The following PID1 variants were observed in gnomAD, a reference collection of about 807,000 sequenced individuals.
The protein encoded by PID1 is PTB-containing, cubilin and LRP1-interacting protein.
In PID1, 10 loss-of-function variants were observed where a neutral mutation model predicts 19.1. The observed-to-expected ratio is 0.52, with a 90% CI of 0.32 to 0.89. The LOEUF (loss-of-function observed/expected upper bound fraction) is 0.89. PID1 is among the 40% of genes least tolerant of loss of function. The probability of loss-of-function intolerance (pLI) is 0.03; values close to 1 mark genes in which losing one functional copy is unlikely to be tolerated. For synonymous variants in PID1, 130 were observed against 116.0 expected (o/e 1.12, Z -0.78); for missense variants, 248 against 285.3 (o/e 0.87, Z 0.94).
At chr2:229,049,920 CAT>C (rs963373606) in intron 2 of PID1, among the ~76,000 whole-genome samples, 1 of 107,758 alleles carries the variant, frequency 9.3e-6, no homozygotes, top group African/African-American at 4.4e-5. Flanking sequence ...GATATATATA[CAT>C]ATATACACAC....
At chr2:229,070,344 A>G (rs1420570183) in intron 2 of PID1, among the ~76,000 whole-genome samples, 2 of 152,218 alleles carry the variant, frequency 1.3e-5, no homozygotes, top group Non-Finnish European at 2.9e-5. Flanking sequence ...TAGTTTTATC[A>G]TCGAAAATTG....
chr2:229,078,609 G>C (rs1398682252), intron 2 of PID1, among the ~76,000 whole-genome samples: 1 of 152,126 alleles, frequency 6.6e-6, no homozygotes, highest in East Asian at 1.9e-4. Context: ...GCATGAAGTG[G>C]GGTTGAATTT....
At chr2:229,172,299 T>C (rs1216554352) in intron 1 of PID1, among the ~76,000 whole-genome samples, 1 of 152,122 alleles carries the variant, frequency 6.6e-6, no homozygotes, top group African/African-American at 2.4e-5. Flanking sequence ...ATGAAGCATA[T>C]ATAAGAAAGT....
intron 1 of PID1, among the ~76,000 whole-genome samples, chr2:229,178,289 A>G (rs1469500699): frequency 2.6e-5 from 4 of 152,168 alleles, no homozygotes; most frequent in Non-Finnish European, 5.9e-5. Flanking sequence ...AAAACTTCCC[A>G]GTGGGGAAGG....
chr2:229,176,402 G>C (rs1206472899), intron 1 of PID1, among the ~76,000 whole-genome samples: 1 of 152,296 alleles, frequency 6.6e-6, no homozygotes, highest in South Asian at 2.1e-4. Flanking sequence ...GATTCAGCAC[G>C]CATTCCCCAT....
intron 2 of PID1, among the ~76,000 whole-genome samples, chr2:229,114,771 C>A (rs1192012169): frequency 6.6e-6 from 1 of 152,122 alleles, no homozygotes; most frequent in Non-Finnish European, 1.5e-5. Flanking sequence ...TATTTATATA[C>A]ACTTGTCTTC....
intron 2 of PID1, among the ~76,000 whole-genome samples, chr2:229,045,030 T>C (rs957998337): frequency 6.6e-6 from 1 of 152,066 alleles, no homozygotes; most frequent in South Asian, 2.1e-4. Flanking sequence ...CTCCGTTCAC[T>C]GCAACCTCTG....
rs531714213 is a variant in PID1, at chr2:229,095,690, A to G, written c.177+60128T>C. 1.1e-3 allele frequency among the ~76,000 whole-genome samples: 172 copies of G among 152,320 alleles called. 1 individual carries two copies. The highest frequency in any genetic ancestry group is 6.8e-3 in the Admixed American group (104 of 15,290). On this transcript the variant is annotated intron_variant, in intron 2 of 2. Coordinates refer to ENST00000392055, the MANE Select transcript of PID1 (RefSeq NM_001100818.2). ...AATCTGTCAGCATATTGCACACAGC[A>G]TAACATGATCATGCTGTACCCAACA... is the stretch of plus-strand genomic sequence containing the variant.
intron 2 of PID1, among the ~76,000 whole-genome samples, chr2:229,131,752 G>A (rs1194603983): frequency 6.6e-6 from 1 of 151,820 alleles, no homozygotes; most frequent in Non-Finnish European, 1.5e-5. Context: ...TTGAATAAAT[G>A]ATGAAGATCA....
At chr2:229,260,080 A>G (rs1329201820) in intron 1 of PID1, among the ~76,000 whole-genome samples, 1 of 152,142 alleles carries the variant, frequency 6.6e-6, no homozygotes, top group Non-Finnish European at 1.5e-5. Flanking sequence ...TCTTCTCTGC[A>G]CCTTTGTCAA....
intron 1 of PID1, chr2:229,227,814 G>T: frequency 3.2e-6 from 1 of 313,866 alleles, no homozygotes; most frequent in Non-Finnish European, 6.4e-6. Flanking sequence ...CTTTTTTCTT[G>T]TCATTATCTC....
chr2:229,130,878 A>G (rs1689723795), intron 2 of PID1, among the ~76,000 whole-genome samples: 1 of 152,170 alleles, frequency 6.6e-6, no homozygotes, highest in South Asian at 2.1e-4. Context: ...AGGGCTAGGG[A>G]AAAACCTGTT....
chr2:229,209,896 G>C (rs1167114764), intron 1 of PID1, among the ~76,000 whole-genome samples: 1 of 152,086 alleles, frequency 6.6e-6, no homozygotes, highest in Non-Finnish European at 1.5e-5. Context: ...CAAGCACTTA[G>C]GATCACATTG....
intron 2 of PID1, among the ~76,000 whole-genome samples, chr2:229,126,674 C>A (rs1292009315): frequency 1.3e-5 from 2 of 152,270 alleles, no homozygotes; most frequent in Non-Finnish European, 2.9e-5. Flanking sequence ...ATAAAAACAG[C>A]AGCATTTTCA....
intron 1 of PID1, among the ~76,000 whole-genome samples, chr2:229,229,226 C>G (rs1227405942): frequency 6.6e-6 from 1 of 152,164 alleles, no homozygotes; most frequent in East Asian, 1.9e-4. Context: ...CACACACTTT[C>G]TCCAGCAGTA....
At chr2:229,157,712 T>G (rs1320878649) in intron 1 of PID1, among the ~76,000 whole-genome samples, 1 of 152,196 alleles carries the variant, frequency 6.6e-6, no homozygotes, top group African/African-American at 2.4e-5. Context: ...AGGCTATGCA[T>G]TGGAACCAGA....
At chr2:229,080,443 C>T (rs920929722) in intron 2 of PID1, among the ~76,000 whole-genome samples, 3 of 152,168 alleles carry the variant, frequency 2.0e-5, no homozygotes, top group Non-Finnish European at 4.4e-5. Context: ...AGCTTCCTGA[C>T]TTACTTTGTG....
At chr2:229,043,463 C>CT (rs1693813750) in intron 2 of PID1, among the ~76,000 whole-genome samples, 1 of 152,006 alleles carries the variant, frequency 6.6e-6, no homozygotes, top group Non-Finnish European at 1.5e-5. Context: ...AAAAAAGAAG[C>CT]TTTTCTCTTC....
chr2:229,074,096 G>A (rs1481219612), intron 2 of PID1, among the ~76,000 whole-genome samples: 1 of 152,176 alleles, frequency 6.6e-6, no homozygotes, highest in African/African-American at 2.4e-5. Flanking sequence ...CAAACTGTCA[G>A]ATTTACATTT....
Sources: gnomAD v4.1 joint callset for allele counts (sites outside exome capture counted in the v4.1 genomes callset) on GRCh38, gnomAD v4.1.1 for gene constraint, MANE v1.5 for transcripts, NCBI Gene and HGNC (gene_info 2026-07-23, HGNC 2026-07-21) for gene names.